The following PPP6R3 variants were observed in gnomAD, a reference collection of about 807,000 sequenced individuals.
PPP6R3 encodes the protein serine/threonine-protein phosphatase 6 regulatory subunit 3.
In PPP6R3, 38 loss-of-function variants were observed where a neutral mutation model predicts 110.7. The ratio of observed to expected loss-of-function variants is 0.34; its 90% CI spans 0.26 to 0.45. The LOEUF (loss-of-function observed/expected upper bound fraction) is 0.45, where lower values mean the gene tolerates loss of function less well. Ranked by LOEUF, PPP6R3 falls within the 20% of genes least tolerant of loss-of-function variation. The pLI is 1.00. For missense variants in PPP6R3, 870 were observed against 1,062.4 expected, an observed-to-expected ratio of 0.82 and a Z score of 2.52; for synonymous variants, 369 against 373.5, an observed-to-expected ratio of 0.99 and a Z score of 0.14.
intron 15 of PPP6R3, among the ~76,000 whole-genome samples, chr11:68,583,602 A>C (rs1482431735): frequency 6.6e-6 from 1 of 152,052 alleles, no homozygotes; most frequent in Admixed American, 6.5e-5. Flanking sequence ...ATTCATTGCA[A>C]CCCCTCTCTG....
chr11:68,542,967 A>G (rs2099327749), intron 3 of PPP6R3, among the ~76,000 whole-genome samples: 1 of 152,188 alleles, frequency 6.6e-6, no homozygotes, highest in Non-Finnish European at 1.5e-5. Flanking sequence ...CAGTTTCCAC[A>G]TTAAGACAGT....
intron 3 of PPP6R3, among the ~76,000 whole-genome samples, chr11:68,542,977 T>C (rs2099327834): frequency 1.3e-5 from 2 of 152,198 alleles, no homozygotes; most frequent in Non-Finnish European, 2.9e-5. Flanking sequence ...ATTAAGACAG[T>C]TGAGTGAGTG....
Position 68,582,613 on chromosome 11 carries a change from G to GTGGCGCAC in PPP6R3, c.1546-418_1546-411dup, listed in dbSNP as rs534291624. On this transcript the variant is annotated intron_variant, in intron 14 of 23. Coordinates refer to ENST00000393800, the MANE Select transcript of PPP6R3 (RefSeq NM_001164161.2). ...GTTATATTTAAACCTGACCTTTTGA[G>GTGGCGCAC]TGGCGCACTGGCGCACTGGTAATCC... 3.2e-4 allele frequency among the ~76,000 whole-genome samples: 48 copies of GTGGCGCAC among 152,374 alleles called. No homozygotes were observed. In the East Asian group the frequency reaches 7.7e-3, roughly 24 times the overall value.
chr11:68,503,415 T>C (rs577551659), intron 1 of PPP6R3, among the ~76,000 whole-genome samples: 35 of 152,282 alleles, frequency 2.3e-4, no homozygotes, highest in Non-Finnish European at 4.0e-4. Context: ...GTCCACAGCC[T>C]GACCTCTGTG....
At chr11:68,563,772 C>T (rs1007342513) in intron 8 of PPP6R3, among the ~76,000 whole-genome samples, 9 of 152,198 alleles carry the variant, frequency 5.9e-5, no homozygotes, top group Admixed American at 2.0e-4. Context: ...AGTATTTACC[C>T]AGTTCTCATT....
chr11:68,566,345 CCTT>C (rs1045088452), intron 9 of PPP6R3, among the ~76,000 whole-genome samples: 1 of 151,778 alleles, frequency 6.6e-6, no homozygotes, highest in African/African-American at 2.4e-5. Flanking sequence ...TCCTCCTCCT[CCTT>C]TTTTCTTCCT....
At chr11:68,493,035 G>A (rs1233852348) in intron 1 of PPP6R3, among the ~76,000 whole-genome samples, 1 of 152,018 alleles carries the variant, frequency 6.6e-6, no homozygotes, top group Admixed American at 6.6e-5. Flanking sequence ...GAACTTACCA[G>A]GTATGTGCTA....
At chr11:68,517,767 G>A (rs897392068) in intron 1 of PPP6R3, among the ~76,000 whole-genome samples, 1 of 151,904 alleles carries the variant, frequency 6.6e-6, no homozygotes, top group Admixed American at 6.6e-5. Flanking sequence ...GTGAAATCCC[G>A]TCTCTACAAA....
At chr11:68,519,360 T>C (rs2099152682) in intron 1 of PPP6R3, 141 bp from the exon 2 acceptor site, 1 of 371,028 alleles carries the variant, frequency 2.7e-6, no homozygotes, top group Non-Finnish European at 4.8e-6. Flanking sequence ...AGAAAAATTT[T>C]AGTGATTAAC....
chr11:68,546,516 A>G (rs1381322925), intron 4 of PPP6R3, among the ~76,000 whole-genome samples: 1 of 152,234 alleles, frequency 6.6e-6, no homozygotes. Context: ...TCAGGACTGT[A>G]TGAATGATAG....
chr11:68,519,048 C>T (rs977774269), intron 1 of PPP6R3, among the ~76,000 whole-genome samples: 19 of 152,196 alleles, frequency 1.2e-4, no homozygotes, highest in Admixed American at 4.6e-4. Flanking sequence ...CTTCAGTGAT[C>T]TTAATGTTCT....
intron 6 of PPP6R3, among the ~76,000 whole-genome samples, chr11:68,553,651 G>A (rs1335645288): frequency 1.3e-5 from 2 of 152,080 alleles, no homozygotes; most frequent in Non-Finnish European, 2.9e-5. Flanking sequence ...GCTGATAAGA[G>A]TGTATTTTGG....
chr11:68,587,858 A>G (rs1234217478), intron 15 of PPP6R3, 69 bp from the exon 16 acceptor site: 2 of 1,302,384 alleles, frequency 1.5e-6, no homozygotes, highest in Admixed American at 3.4e-5. Flanking sequence ...CTGGAACACA[A>G]ATGGGCAAAT....
chr11:68,571,010 T>G, intron 11 of PPP6R3, 30 bp from the exon 12 acceptor site: 2 of 1,584,352 alleles, frequency 1.3e-6, no homozygotes, highest in East Asian at 4.5e-5. Context: ...TTTGAAGTAT[T>G]AACTGGAATA....
At chr11:68,499,234 G>A (rs567547928) in intron 1 of PPP6R3, among the ~76,000 whole-genome samples, 53 of 152,176 alleles carry the variant, frequency 3.5e-4, no homozygotes, top group African/African-American at 1.3e-3. Flanking sequence ...CAGAAACTTG[G>A]GAGTGGCATG....
At chr11:68,608,981 A>G (rs1383531751) in intron 22 of PPP6R3, among the ~76,000 whole-genome samples, 3 of 152,200 alleles carry the variant, frequency 2.0e-5, no homozygotes, top group Non-Finnish European at 4.4e-5. Context: ...GCTTGGAACT[A>G]TCTGGAAACG....
rs768315217 is a variant in PPP6R3 at position 68,574,211 on chromosome 11, G to A, written c.1446G>A (p.Gln482=). ...TDKGPNSALV[Q]QLIKDLPDEV... The stretch of plus-strand genomic sequence containing the variant: ...AGGGCCCCAACAGTGCATTAGTGCA[G>A]CAGCTTATCAAAGGTAAGTTATTTG... Residue 482 remains glutamine (Q), a synonymous_variant, in exon 13 of 24, where the codon CAG becomes CAA. Coordinates refer to ENST00000393800, the MANE Select transcript of PPP6R3 (RefSeq NM_001164161.2). 17 of 1,612,902 alleles carry A rather than the reference G, an allele frequency of 1.1e-5. No homozygotes were observed. In the South Asian group the frequency reaches 1.9e-4, roughly 18 times the overall value.
At chr11:68,500,582 A>C (rs10791981) in intron 1 of PPP6R3, among the ~76,000 whole-genome samples, 1 of 152,066 alleles carries the variant, frequency 6.6e-6, no homozygotes, top group East Asian at 1.9e-4. Flanking sequence ...GGTTCAAGCA[A>C]TTCTCCTACC....
chr11:68,611,984 T>C (rs1011322834), intron 23 of PPP6R3, among the ~76,000 whole-genome samples: 2 of 152,256 alleles, frequency 1.3e-5, no homozygotes, highest in Non-Finnish European at 2.9e-5. Flanking sequence ...ATGTCCTTTG[T>C]GCTTCTGATG....
Sources: gnomAD v4.1 joint callset for allele counts (sites outside exome capture counted in the v4.1 genomes callset) on GRCh38, gnomAD v4.1.1 for gene constraint, MANE v1.5 for transcripts, NCBI Gene and HGNC (gene_info 2026-07-23, HGNC 2026-07-21) for gene names.